Variants in GSE1 observed in about 807,000 individuals in gnomAD.
The protein encoded by GSE1 is Gse1 coiled-coil protein, also known as genetic suppressor element 1.
A neutral mutation model predicts 112.6 loss-of-function variants in GSE1; 32 were observed. The ratio of observed to expected loss-of-function variants is 0.28; its 90% CI spans 0.21 to 0.38. The LOEUF (loss-of-function observed/expected upper bound fraction) is 0.38. Ranked by LOEUF, GSE1 falls within the 10% of genes least tolerant of loss-of-function variation. The pLI is 1.00. For missense variants in GSE1, 2,348 were observed against 1,699.2 expected (o/e 1.38, Z -6.71); for synonymous variants, 1,115 against 735.6 (o/e 1.52, Z -8.35).
At chr16:85,510,308 C>G (rs2051693882) in intron 2 of GSE1, among the ~76,000 whole-genome samples, 1 of 152,214 alleles carries the variant, frequency 6.6e-6, no homozygotes, top group Non-Finnish European at 1.5e-5. Context: ...CGAAAGACTC[C>G]TTCCCTCTGG....
At chr16:85,322,556 G>A (rs530392332) in intron 1 of GSE1, among the ~76,000 whole-genome samples, 260 of 152,022 alleles carry the variant, frequency 1.7e-3, no homozygotes, top group Middle Eastern at 0.014. Flanking sequence ...GTGCTCTAGG[G>A]ATGTTGTTCC....
intron 2 of GSE1, among the ~76,000 whole-genome samples, chr16:85,488,115 G>T (rs1381026295): frequency 1.3e-5 from 2 of 152,182 alleles, no homozygotes. Flanking sequence ...TCCCTCTGCA[G>T]CCAGGAAGGA....
chr16:85,385,133 C>T (rs1203600360), intron 2 of GSE1, among the ~76,000 whole-genome samples: 1 of 152,248 alleles, frequency 6.6e-6, no homozygotes, highest in Non-Finnish European at 1.5e-5. Flanking sequence ...TTTGTGCCAC[C>T]CTGGGCCGAG....
chr16:85,634,027 A>G lies in GSE1; in HGVS notation c.121A>G (p.Ser41Gly). ...GCCGCTCAATGGCGCCCTGGTGCCC[A>G]GCGGCAGCCCCGCCACCAGCAGCGC... ...PSPLNGALVP[S>G]GSPATSSALS... Residue 41 changes from serine (S) to glycine (G), a missense_variant, in exon 2 of 16, where the codon AGC becomes GGC. Coordinates refer to ENST00000253458, the MANE Select transcript of GSE1 (RefSeq NM_014615.5). 6.2e-7 allele frequency: 1 copy of G among 1,611,114 alleles called. No homozygotes were observed. The highest frequency in any genetic ancestry group is 8.5e-7 in the Non-Finnish European group (1 of 1,178,906).
intron 5 of GSE1, 45 bp downstream of exon 5, chr16:85,655,036 TC>T (rs749996719): frequency 1.2e-5 from 15 of 1,250,222 alleles, no homozygotes; most frequent in Non-Finnish European, 1.6e-5. Context: ...GCTGGCCTGT[TC>T]CTGGCAAGAT....
intron 1 of GSE1, among the ~76,000 whole-genome samples, chr16:85,319,744 G>C (rs1337136289): frequency 6.6e-6 from 1 of 152,158 alleles, no homozygotes; most frequent in African/African-American, 2.4e-5. Flanking sequence ...ATTCTGCCTC[G>C]TACTGTGTTA....
At chr16:85,588,377 G>A (rs1158018714) in intron 1 of GSE1, among the ~76,000 whole-genome samples, 4 of 152,330 alleles carry the variant, frequency 2.6e-5, no homozygotes, top group East Asian at 1.9e-4. Context: ...TGGGGGGCCC[G>A]TGTCCCAGCC....
intron 2 of GSE1, among the ~76,000 whole-genome samples, chr16:85,381,760 G>C (rs995089264): frequency 2.6e-5 from 4 of 152,194 alleles, no homozygotes; most frequent in Admixed American, 2.6e-4. Context: ...AGGCCCAGGA[G>C]GCCTCCCTTG....
chr16:85,226,620 G>A (rs1217043819), intron 1 of GSE1, among the ~76,000 whole-genome samples: 3 of 152,172 alleles, frequency 2.0e-5, no homozygotes, highest in Admixed American at 1.3e-4. Flanking sequence ...GCAGGCTGCT[G>A]CCGGTGCTGT....
At chr16:85,575,445 G>A (rs561561365) in intron 1 of GSE1, among the ~76,000 whole-genome samples, 192 of 152,260 alleles carry the variant, frequency 1.3e-3, no homozygotes, top group African/African-American at 4.3e-3. Flanking sequence ...TCGCTCTGGT[G>A]CTGTGTGCCC....
chr16:85,245,693 A>T (rs1335609917), intron 1 of GSE1, among the ~76,000 whole-genome samples: 1 of 152,150 alleles, frequency 6.6e-6, no homozygotes, highest in Non-Finnish European at 1.5e-5. Flanking sequence ...CGGACTCGTA[A>T]CAGATTGGGG....
chr16:85,181,729 C>G (rs1348241633), intron 1 of GSE1, among the ~76,000 whole-genome samples: 1 of 152,126 alleles, frequency 6.6e-6, no homozygotes, highest in East Asian at 1.9e-4. Context: ...CGTGGGGCCT[C>G]CACACTTCCA....
At chr16:85,314,268 C>A (rs947255283) in intron 1 of GSE1, among the ~76,000 whole-genome samples, 1 of 152,222 alleles carries the variant, frequency 6.6e-6, no homozygotes, top group Non-Finnish European at 1.5e-5. Context: ...AGACCCTACA[C>A]ACGTCTCGCC....
Position 85,633,960 on chromosome 16 carries a change from C to T in GSE1, c.54C>T (p.Thr18=), listed in dbSNP as rs375816658. Residue 18 remains threonine (T), a synonymous_variant, in exon 2 of 16, where the codon ACC becomes ACT. Coordinates refer to ENST00000253458, the MANE Select transcript of GSE1 (RefSeq NM_014615.5). ...PKSPSLGMLS[T]ATRTTATVNP... ...CCCCTTCGCTAGGGATGCTTTCCAC[C>T]GCGACCAGGACCACCGCCACCGTCA... 4.2e-4 allele frequency: 685 copies of T among 1,613,040 alleles called. 3 individuals are homozygous for T. In the South Asian group the frequency reaches 6.3e-3, roughly 15 times the overall value.
chr16:85,353,991 G>A (rs775586450), intron 1 of GSE1, among the ~76,000 whole-genome samples: 31 of 152,160 alleles, frequency 2.0e-4, no homozygotes, highest in Non-Finnish European at 3.2e-4. Flanking sequence ...TGCCTCTGGC[G>A]CCTTGTGCAG....
rs368636202 is a variant in GSE1, at chr16:85,668,330, G to T, written c.3321G>T (p.Glu1107Asp). 2.5e-5 allele frequency: 40 copies of T among 1,613,120 alleles called. No homozygotes were observed. The African/African-American group carries it at 2.7e-4, about 11-fold the overall frequency. ...GGGACTCGGAGGAGGAGGAAGAGGA[G>T]GATGATGAAGATGGAGAAGATGAGG... ...LDRDSEEEEE[E>D]DDEDGEDEEE... The change falls in exon 14 of 16, where the codon GAG (glutamate) becomes GAT (aspartate). Residue 1107 changes from glutamate (E) to aspartate (D), a missense_variant. By Grantham distance (45) the Glu-to-Asp change is conservative (BLOSUM62 2). Transcript: ENST00000253458.
intron 1 of GSE1, among the ~76,000 whole-genome samples, chr16:85,231,800 G>C (rs569595454): frequency 3.3e-5 from 5 of 152,328 alleles, no homozygotes; most frequent in East Asian, 1.9e-4. Context: ...CTCTGTGTCA[G>C]AATTACTGTT....
At chr16:85,291,406 T>C (rs1024499755) in intron 1 of GSE1, among the ~76,000 whole-genome samples, 3 of 152,154 alleles carry the variant, frequency 2.0e-5, no homozygotes, top group African/African-American at 7.2e-5. Flanking sequence ...CCAGCAGCAT[T>C]TTCTGGATCC....
chr16:85,372,018 G>A (rs1263960660), intron 2 of GSE1, among the ~76,000 whole-genome samples: 1 of 152,170 alleles, frequency 6.6e-6, no homozygotes, highest in African/African-American at 2.4e-5. Flanking sequence ...GAGGGCACAG[G>A]TGTGTGTGGC....
Sources: gnomAD v4.1 joint callset for allele counts (sites outside exome capture counted in the v4.1 genomes callset) on GRCh38, gnomAD v4.1.1 for gene constraint, MANE v1.5 for transcripts, NCBI Gene and HGNC (gene_info 2026-07-23, HGNC 2026-07-21) for gene names.